Variants in PCBP3 observed in about 807,000 individuals in gnomAD.
The protein encoded by PCBP3 is poly(rC)-binding protein 3.
A neutral mutation model predicts 52.7 loss-of-function variants in PCBP3; 25 were observed. The ratio of observed to expected loss-of-function variants is 0.47; its 90% CI spans 0.35 to 0.66. PCBP3 has a LOEUF of 0.66. Ranked by LOEUF, PCBP3 falls within the 30% of genes least tolerant of loss-of-function variation. PCBP3 has a pLI of 0.01. For missense variants in PCBP3, 391 were observed against 490.3 expected (o/e 0.80, Z 1.91); for synonymous variants, 162 against 183.0 (o/e 0.89, Z 0.93).
chr21:45,775,398 G>A (rs898094356), intron 4 of PCBP3, among the ~76,000 whole-genome samples: 2 of 150,860 alleles, frequency 1.3e-5, no homozygotes, highest in African/African-American at 4.9e-5. Flanking sequence ...TGTTTTCTTT[G>A]GTTCTTCTCT....
intron 5 of PCBP3, among the ~76,000 whole-genome samples, chr21:45,869,966 A>G (rs901600097): frequency 5.3e-5 from 8 of 152,150 alleles, no homozygotes; most frequent in African/African-American, 9.7e-5. Flanking sequence ...GGATTTTTTT[A>G]GCTGTTAGTC....
At chr21:45,701,812 G>A (rs1186272634) in intron 2 of PCBP3, among the ~76,000 whole-genome samples, 1 of 152,114 alleles carries the variant, frequency 6.6e-6, no homozygotes, top group African/African-American at 2.4e-5. Flanking sequence ...TGCCCAATTT[G>A]GCCTCCCAAA....
At chr21:45,734,993 G>A (rs1294836379) in intron 2 of PCBP3, among the ~76,000 whole-genome samples, 1 of 152,226 alleles carries the variant, frequency 6.6e-6, no homozygotes, top group Non-Finnish European at 1.5e-5. Flanking sequence ...TCAGGGTGGA[G>A]CCGAGACTGT....
rs2083337092 is a variant in PCBP3, at chr21:45,704,695, G to T, written c.-199-30697G>T. ...AGTTCCGTTTACAACAGCAAGAGAT[G>T]CCTTGTCCATAGCTTCCTGACCTCT... On this transcript the variant is annotated intron_variant, in intron 2 of 17. Coordinates refer to ENST00000681687, the MANE Select transcript of PCBP3 (RefSeq NM_001384156.1). The surrounding 1 kb of genome is among the most constrained non-coding windows in gnomAD (Gnocchi z 4.1). Among the ~76,000 whole-genome samples the T allele has an allele frequency of 6.6e-6, 1 of 152,214 alleles. No individual in the cohort carries two copies. The highest frequency in any genetic ancestry group is 2.1e-4 in the South Asian group (1 of 4,830).
At chr21:45,731,021 A>G (rs759812821) in intron 2 of PCBP3, among the ~76,000 whole-genome samples, 1 of 152,132 alleles carries the variant, frequency 6.6e-6, no homozygotes, top group Non-Finnish European at 1.5e-5. Flanking sequence ...ATTCATATTT[A>G]ATGTGATTAT....
At chr21:45,712,529 C>T (rs531874276) in intron 2 of PCBP3, among the ~76,000 whole-genome samples, 1 of 152,262 alleles carries the variant, frequency 6.6e-6, no homozygotes, top group South Asian at 2.1e-4. Flanking sequence ...TGAAAACTGA[C>T]TCTTCTGTAC....
At chr21:45,921,191 C>T (rs1335059622) in intron 13 of PCBP3, among the ~76,000 whole-genome samples, 3 of 152,268 alleles carry the variant, frequency 2.0e-5, no homozygotes, top group African/African-American at 7.2e-5. Flanking sequence ...ATTTTTAAAG[C>T]ATCGGTATTT....
At chr21:45,902,934 T>C (rs2149135460) in intron 9 of PCBP3, among the ~76,000 whole-genome samples, 1 of 152,338 alleles carries the variant, frequency 6.6e-6, no homozygotes, top group Non-Finnish European at 1.5e-5. Flanking sequence ...CCTGTGTGAT[T>C]CCCACTGTGG....
chr21:45,816,321 C>T (rs1337066585), intron 4 of PCBP3, among the ~76,000 whole-genome samples: 1 of 151,926 alleles, frequency 6.6e-6, no homozygotes, highest in Non-Finnish European at 1.5e-5. Context: ...TATTTTTTAA[C>T]TTTTGACTCT....
intron 5 of PCBP3, among the ~76,000 whole-genome samples, chr21:45,867,320 A>C (rs1355637371): frequency 6.6e-6 from 1 of 152,216 alleles, no homozygotes; most frequent in Non-Finnish European, 1.5e-5. Flanking sequence ...TCCGCGTGAA[A>C]GCAGCAACCA....
chr21:45,711,510 T>A (rs2083837156), intron 2 of PCBP3, among the ~76,000 whole-genome samples: 1 of 152,206 alleles, frequency 6.6e-6, no homozygotes, highest in Admixed American at 6.5e-5. Flanking sequence ...ACTTAATTGT[T>A]CACCTTTAGT....
At chr21:45,834,578 C>T (rs1181247817) in intron 4 of PCBP3, among the ~76,000 whole-genome samples, 1 of 152,186 alleles carries the variant, frequency 6.6e-6, no homozygotes, top group Non-Finnish European at 1.5e-5. Context: ...CCTGCTCTCC[C>T]CAGGCCACCA....
Position 45,904,278 on chromosome 21 carries a change from G to A in PCBP3, c.339+3165G>A, listed in dbSNP as rs868490666. On this transcript the variant is annotated intron_variant, in intron 9 of 17. Transcript: ENST00000681687. The surrounding 1 kb of genome is among the most constrained non-coding windows in gnomAD (Gnocchi z 4.8). ...GAAGAGCTGAGATGTCTCCAAGCGC[G>A]CAGACTGTATGGCCAAGGAAGCTCG... Among the ~76,000 whole-genome samples the A allele has an allele frequency of 2.0e-5, 3 of 152,218 alleles. No homozygotes were observed. Among genetic ancestry groups the A allele is most frequent in the Non-Finnish European group, 4.4e-5 (3 of 68,044 alleles).
chr21:45,920,050 G>GA (rs938449867), intron 13 of PCBP3, among the ~76,000 whole-genome samples: 1 of 152,034 alleles, frequency 6.6e-6, no homozygotes, highest in Non-Finnish European at 1.5e-5. Flanking sequence ...GGTTCCAAAG[G>GA]GGGGGTCACT....
intron 5 of PCBP3, among the ~76,000 whole-genome samples, chr21:45,879,438 C>T (rs1216845466): frequency 9.2e-5 from 14 of 151,984 alleles, no homozygotes; most frequent in Admixed American, 5.2e-4. Flanking sequence ...TGATCCATGC[C>T]GAGTGATAGA....
At chr21:45,850,681 A>G (rs900417550) in intron 5 of PCBP3, among the ~76,000 whole-genome samples, 3 of 152,364 alleles carry the variant, frequency 2.0e-5, no homozygotes, top group African/African-American at 7.2e-5. Flanking sequence ...TAATATCTTA[A>G]GCAATATAAT....
intron 13 of PCBP3, among the ~76,000 whole-genome samples, chr21:45,925,082 TGCGAACACCGGGAACA>T (rs1463184718): frequency 2.3e-5 from 2 of 85,712 alleles, no homozygotes; most frequent in African/African-American, 1.3e-4. Flanking sequence ...CGTGAGGAGA[TGCGAACACCGGGAACA>T]GTCGCGTGGG....
At chr21:45,773,307 T>C (rs112272992) in intron 4 of PCBP3, among the ~76,000 whole-genome samples, 1 of 152,198 alleles carries the variant, frequency 6.6e-6, no homozygotes, top group African/African-American at 2.4e-5. Context: ...CATTTTGAAT[T>C]GATTTTTGTG....
At chr21:45,855,388 C>T (rs1199117133) in intron 5 of PCBP3, among the ~76,000 whole-genome samples, 1 of 152,172 alleles carries the variant, frequency 6.6e-6, no homozygotes, top group Non-Finnish European at 1.5e-5. Flanking sequence ...CCTCAAACAG[C>T]CCATCACAGA....
Sources: allele counts gnomAD v4.1 joint callset (sites outside exome capture counted in the v4.1 genomes callset), GRCh38; gene constraint gnomAD v4.1.1; non-coding constraint Gnocchi (gnomAD v3.1); transcripts MANE v1.5; gene names NCBI Gene and HGNC (gene_info 2026-07-23, HGNC 2026-07-21).